CSMD1: variants seen among roughly 807,000 people sequenced by gnomAD.
CSMD1 encodes the protein CUB and sushi domain-containing protein 1.
In CSMD1, 213 loss-of-function variants were observed where a neutral mutation model predicts 417.5. The ratio of observed to expected loss-of-function variants is 0.51; its 90% CI spans 0.46 to 0.57. The LOEUF (loss-of-function observed/expected upper bound fraction) is 0.57, where lower values mean the gene tolerates loss of function less well. CSMD1 is among the 20% of genes least tolerant of loss of function. CSMD1 has a pLI of 0.00. For missense variants in CSMD1, 6,923 were observed against 4,529.7 expected (o/e 1.53, Z -15.17); for synonymous variants, 2,862 against 1,736.8 (o/e 1.65, Z -16.11).
At chr8:4,225,093 C>A (rs962354477) in intron 3 of CSMD1, among the ~76,000 whole-genome samples, 7 of 152,278 alleles carry the variant, frequency 4.6e-5, no homozygotes, top group East Asian at 1.9e-4. Context: ...GCCTGGGGAA[C>A]AGAGTGAGAC....
At chr8:3,998,537 A>G (rs941799788) in intron 4 of CSMD1, among the ~76,000 whole-genome samples, 2 of 152,212 alleles carry the variant, frequency 1.3e-5, no homozygotes, top group Non-Finnish European at 2.9e-5. Context: ...CTTAAAAGAA[A>G]TGGTTGTCTT....
At chr8:3,080,661 G>A (rs954640007) in intron 49 of CSMD1, among the ~76,000 whole-genome samples, 1 of 152,156 alleles carries the variant, frequency 6.6e-6, no homozygotes, top group Non-Finnish European at 1.5e-5. Flanking sequence ...TGGAGTGGGT[G>A]CCTCCCAAAT....
At chr8:3,831,824 C>G (rs535761854) in intron 5 of CSMD1, among the ~76,000 whole-genome samples, 54 of 152,268 alleles carry the variant, frequency 3.5e-4, no homozygotes, top group African/African-American at 1.3e-3. Context: ...CCATCATAAT[C>G]TGGAAAGCTA....
intron 18 of CSMD1, among the ~76,000 whole-genome samples, chr8:3,386,704 A>T (rs925181610): frequency 6.6e-6 from 1 of 152,132 alleles, no homozygotes; most frequent in Admixed American, 6.5e-5. Context: ...TGTGTTTTGG[A>T]ACACTGTTTT....
chr8:3,185,104 T>C (rs1012314930), intron 36 of CSMD1, among the ~76,000 whole-genome samples: 2 of 152,208 alleles, frequency 1.3e-5, no homozygotes, highest in Non-Finnish European at 2.9e-5. Flanking sequence ...CCTAAATTTA[T>C]AGCCAGTTGG....
chr8:4,142,936 G>T (rs1014478445), intron 3 of CSMD1, among the ~76,000 whole-genome samples: 1 of 150,464 alleles, frequency 6.6e-6, no homozygotes, highest in African/African-American at 2.5e-5. Context: ...TGAAGTATTT[G>T]CATCATAAAC....
chr8:4,193,805 C>T (rs11985882), intron 3 of CSMD1, among the ~76,000 whole-genome samples: 38,995 of 151,704 alleles, frequency 0.26, 5,195 homozygotes, highest in Admixed American at 0.33. Context: ...GATGCTATGG[C>T]GAGAAGAGCA....
At chr8:3,102,419 G>C (rs1302060760) in intron 46 of CSMD1, among the ~76,000 whole-genome samples, 2 of 152,154 alleles carry the variant, frequency 1.3e-5, no homozygotes, top group South Asian at 2.1e-4. Flanking sequence ...CGCCTCCTGA[G>C]GTGTGGAGTG....
At chr8:4,254,923 C>T (rs1419320778) in intron 3 of CSMD1, among the ~76,000 whole-genome samples, 1 of 152,126 alleles carries the variant, frequency 6.6e-6, no homozygotes, top group Non-Finnish European at 1.5e-5. Flanking sequence ...AGAATACATT[C>T]CCATCACTAA....
chr8:3,700,075 G>T (rs775596050), intron 7 of CSMD1, among the ~76,000 whole-genome samples: 2 of 152,106 alleles, frequency 1.3e-5, no homozygotes, highest in Admixed American at 6.6e-5. Context: ...GTCCTCATAA[G>T]AATGATACAA....
At chr8:4,948,082 A>AT (rs140330568) in intron 1 of CSMD1, among the ~76,000 whole-genome samples, 4 of 151,348 alleles carry the variant, frequency 2.6e-5, no homozygotes, top group Non-Finnish European at 3.0e-5. Context: ...AAGAACATTA[A>AT]TTTTTTTTTA....
At chr8:3,179,029 G>C (rs536466900) in intron 37 of CSMD1, among the ~76,000 whole-genome samples, 2 of 149,976 alleles carry the variant, frequency 1.3e-5, no homozygotes, top group Admixed American at 6.7e-5. Flanking sequence ...CTCACTGCAA[G>C]CTCTGCCTCC....
chr8:3,887,071 A>G (rs1345898415), intron 5 of CSMD1, among the ~76,000 whole-genome samples: 2 of 152,146 alleles, frequency 1.3e-5, no homozygotes, highest in African/African-American at 4.8e-5. Flanking sequence ...ACATCAAGAC[A>G]CAATCCCACT....
chr8:4,670,097 G>A (rs552821405), intron 1 of CSMD1, among the ~76,000 whole-genome samples: 5 of 152,256 alleles, frequency 3.3e-5, no homozygotes, highest in Admixed American at 2.0e-4. Flanking sequence ...GTCCACAAGT[G>A]TAAGATAGGG....
At chr8:3,501,363 G>C (rs1023161897) in intron 10 of CSMD1, among the ~76,000 whole-genome samples, 2 of 152,074 alleles carry the variant, frequency 1.3e-5, no homozygotes, top group Non-Finnish European at 2.9e-5. Context: ...TCCTTTTGAT[G>C]TTCTTCCGTA....
chr8:3,911,311 T>C (rs1808446796), intron 5 of CSMD1, among the ~76,000 whole-genome samples: 1 of 152,026 alleles, frequency 6.6e-6, no homozygotes, highest in Admixed American at 6.6e-5. Context: ...CTTTTTTTTT[T>C]CCTTATTGAA....
intron 1 of CSMD1, among the ~76,000 whole-genome samples, chr8:4,949,398 TGTG>T (rs554011568): frequency 4.6e-5 from 7 of 152,210 alleles, no homozygotes; most frequent in Non-Finnish European, 7.3e-5. Flanking sequence ...ACCTTCAACA[TGTG>T]GTGAAACTTT....
rs576580510 is a variant in CSMD1, at chr8:3,536,251, G to A, written c.1344+38694C>T. On this transcript the variant is annotated intron_variant, in intron 10 of 69. Transcript: ENST00000635120. ...ATCAATATTAATTTATAAATGAGCT[G>A]AGTTAATAAGTTTGTGTGTATGACA... Among the ~76,000 whole-genome samples, 20 of 152,274 alleles carry A rather than the reference G, an allele frequency of 1.3e-4. No homozygotes were observed. In the South Asian group the frequency reaches 2.7e-3, roughly 21 times the overall value.
chr8:4,281,507 A>G (rs1018753875), intron 3 of CSMD1, among the ~76,000 whole-genome samples: 4 of 152,228 alleles, frequency 2.6e-5, no homozygotes, highest in Non-Finnish European at 4.4e-5. Context: ...TTTTACTGAA[A>G]TATCTTATGC....
Sources: gnomAD v4.1 joint callset for allele counts (sites outside exome capture counted in the v4.1 genomes callset) on GRCh38, gnomAD v4.1.1 for gene constraint, MANE v1.5 for transcripts, NCBI Gene and HGNC (gene_info 2026-07-23, HGNC 2026-07-21) for gene names.